The following RIPK4 variants were observed in gnomAD, a reference collection of about 807,000 sequenced individuals.
The protein encoded by RIPK4 is receptor interacting serine/threonine kinase 4.
Under a neutral mutation model 42.9 loss-of-function variants are expected in RIPK4, and 17 were observed. The ratio of observed to expected loss-of-function variants is 0.40; its 90% CI spans 0.27 to 0.59. RIPK4 has a LOEUF of 0.59. RIPK4 is among the 20% of genes least tolerant of loss of function. RIPK4 has a pLI of 0.47. For missense variants in RIPK4, 897 were observed against 1,104.4 expected (o/e 0.81, Z 2.66); for synonymous variants, 498 against 499.1 (o/e 1.00, Z 0.03).
In RIPK4 at chr21:41,742,229, A is replaced by G. The variant is rs2061157121; in HGVS notation, c.1196-232T>C. Among the ~76,000 whole-genome samples the G allele has an allele frequency of 6.6e-6, 1 of 152,184 alleles. No individual in the cohort carries two copies. The highest frequency in any genetic ancestry group is 2.4e-5 in the African/African-American group (1 of 41,460). ...CCCAGGTGCTCGTTAGTCGGTTTGC[A>G]AAATAAAACCCGCTCTCCCTGTCCT... is the stretch of plus-strand genomic sequence containing the variant. On this transcript the variant is annotated intron_variant, in intron 7 of 7. Transcript: ENST00000332512. The surrounding 1 kb of genome is among the most constrained non-coding windows in gnomAD (Gnocchi z 5.1).
At chr21:41,759,411 T>C (rs1395198728) in intron 1 of RIPK4, among the ~76,000 whole-genome samples, 2 of 152,084 alleles carry the variant, frequency 1.3e-5, no homozygotes, top group East Asian at 3.9e-4. Flanking sequence ...TCTAATAATA[T>C]AATAAGCTCC....
rs1028473377 is a variant in RIPK4 at position 41,741,693 on chromosome 21, C to T, written c.1500G>A (p.Lys500=). The T allele has an allele frequency of 1.4e-5, 23 of 1,613,750 alleles. No homozygotes were observed. Among genetic ancestry groups the T allele is most frequent in the Non-Finnish European group, 1.9e-5 (23 of 1,180,024 alleles). ...LLARKISVNA[K]DEDQWTALHF... is the part of the protein sequence containing the mutation. ...GGAGGGCTGTCCACTGGTCCTCATCCTTGGCGTTGACACTGATCTTCCGCG... is the reference window on the plus strand; with the variant it reads ...GGAGGGCTGTCCACTGGTCCTCATCTTTGGCGTTGACACTGATCTTCCGCG... The change falls in exon 8 of 8, where the codon AAG becomes AAA. Residue 500 remains lysine, a synonymous_variant. Coordinates refer to ENST00000332512, the MANE Select transcript of RIPK4 (RefSeq NM_020639.3).
At chr21:41,753,685 AG>A (rs2061195059) in intron 2 of RIPK4, among the ~76,000 whole-genome samples, 1 of 152,186 alleles carries the variant, frequency 6.6e-6, no homozygotes. Context: ...CCAAGAGCTG[AG>A]GGCTCACAGC....
At chr21:41,759,129 C>T (rs148094272) in intron 1 of RIPK4, among the ~76,000 whole-genome samples, 8 of 152,216 alleles carry the variant, frequency 5.3e-5, no homozygotes, top group Non-Finnish European at 1.2e-4. Flanking sequence ...AACAGAGTCT[C>T]GCTCTGTTGC....
At chr21:41,759,762 C>T (rs966843624) in intron 1 of RIPK4, among the ~76,000 whole-genome samples, 1 of 152,226 alleles carries the variant, frequency 6.6e-6, no homozygotes. Flanking sequence ...GATCTGACCG[C>T]CCCTGCGAGA....
intron 1 of RIPK4, among the ~76,000 whole-genome samples, chr21:41,766,585 C>T (rs1472288373): frequency 2.6e-5 from 4 of 152,040 alleles, no homozygotes; most frequent in Non-Finnish European, 5.9e-5. Context: ...ACGCGGCCCC[C>T]GAGGAGCCCC....
At chr21:41,744,539 A>G (rs1347344883) in intron 6 of RIPK4, among the ~76,000 whole-genome samples, 1 of 152,246 alleles carries the variant, frequency 6.6e-6, no homozygotes, top group African/African-American at 2.4e-5. Context: ...AGCCTTCATA[A>G]AAGTGCAAAA....
chr21:41,764,034 G>A (rs577801144), intron 1 of RIPK4, among the ~76,000 whole-genome samples: 43 of 152,262 alleles, frequency 2.8e-4, no homozygotes, highest in Admixed American at 1.6e-3. Context: ...AGGACCCTCC[G>A]AGGCACCGAG....
intron 1 of RIPK4, among the ~76,000 whole-genome samples, chr21:41,763,789 G>A (rs928707350): frequency 9.2e-5 from 14 of 152,190 alleles, no homozygotes; most frequent in African/African-American, 2.7e-4. Flanking sequence ...GGCTCGCCCC[G>A]ACCAGCCAGG....
chr21:41,746,519 C>G (rs2061171786), intron 5 of RIPK4, 94 bp downstream of exon 5: 1 of 1,459,310 alleles, frequency 6.9e-7, no homozygotes, highest in East Asian at 2.4e-5. Flanking sequence ...CGCCTTGTTT[C>G]TCACCCAGGC....
Position 41,751,055 on chromosome 21 carries a change from C to T in RIPK4, c.623+42G>A. The T allele has an allele frequency of 6.3e-7, 1 of 1,593,648 alleles. No individual in the cohort carries two copies. Among genetic ancestry groups the T allele is most frequent in the South Asian group, 1.1e-5 (1 of 87,776 alleles). ...GGGCATGAAGCATTGAGGTTGAGAG[C>T]CCCTGGCACCCACAGGGGATGGGGG... On this transcript the variant is annotated intron_variant, in intron 3 of 7. Coordinates refer to ENST00000332512, the MANE Select transcript of RIPK4 (RefSeq NM_020639.3). This position sits in a 1 kb window ranked among gnomAD's most constrained non-coding sequence, Gnocchi z 4.5.
At chr21:41,763,362 GTTC>G (rs1346604789) in intron 1 of RIPK4, among the ~76,000 whole-genome samples, 2 of 152,142 alleles carry the variant, frequency 1.3e-5, no homozygotes, top group East Asian at 1.9e-4. Flanking sequence ...AAGTCCCAAG[GTTC>G]TTCTCCAGGC....
At chr21:41,749,065 T>C in intron 4 of RIPK4, 89 bp downstream of exon 4, 2 of 1,386,440 alleles carry the variant, frequency 1.4e-6, no homozygotes, top group Non-Finnish European at 2.0e-6. Context: ...TCACAGGCTC[T>C]GTTTTAGGAT....
At position 41,755,160 on chromosome 21, in the gene RIPK4, G is replaced by A. The variant is rs3850704; in HGVS notation, c.474+1365C>T. Among the ~76,000 whole-genome samples the A allele has an allele frequency of 2.6e-5, 4 of 152,148 alleles. No individual in the cohort carries two copies. The highest frequency in any genetic ancestry group is 6.5e-5 in the Admixed American group (1 of 15,280). The stretch of plus-strand genomic sequence containing the variant: ...CAGCCCTGCCCATCACAGGAAACGG[G>A]AATCCCAGGGGTCCCAGAACATAAG... On this transcript the variant is annotated intron_variant, in intron 2 of 7. Coordinates refer to ENST00000332512, the MANE Select transcript of RIPK4 (RefSeq NM_020639.3). The surrounding 1 kb of genome is among the most constrained non-coding windows in gnomAD (Gnocchi z 4.2).
chr21:41,746,078 A>G, intron 5 of RIPK4: 1 of 708,794 alleles, frequency 1.4e-6, no homozygotes. Context: ...ACCAGACTCA[A>G]GGCGGAAGCC....
Position 41,740,624 on chromosome 21 carries a change from G to A in RIPK4, c.*214C>T, listed in dbSNP as rs571130977. On this transcript the variant is annotated 3_prime_UTR_variant, in exon 8 of 8. Transcript: ENST00000332512. ...CCTTCAGACAGCAGGTGCCTAGATC[G>A]ATGATGGAGCGGGCATGTGCACCTG... The A allele has an allele frequency of 1.2e-4, 70 of 568,544 alleles. No homozygotes were observed. Among genetic ancestry groups the A allele is most frequent in the African/African-American group, 8.3e-4 (44 of 52,942 alleles). 35.2% of individuals were successfully genotyped at this position (568,544 alleles called of 1,614,324 possible).
chr21:41,759,534 C>T (rs2061214636), intron 1 of RIPK4, among the ~76,000 whole-genome samples: 1 of 152,174 alleles, frequency 6.6e-6, no homozygotes, highest in African/African-American at 2.4e-5. Context: ...GGGGTGGCCT[C>T]CAGACAATTC....
intron 1 of RIPK4, among the ~76,000 whole-genome samples, chr21:41,759,108 T>C (rs184255815): frequency 1.3e-5 from 2 of 152,280 alleles, no homozygotes; most frequent in African/African-American, 4.8e-5. Context: ...TTGTTTGTTT[T>C]TCTTTTTTGA....
intron 5 of RIPK4, 186 bp from the exon 6 acceptor site, chr21:41,746,048 G>A (rs764974591): frequency 1.8e-5 from 13 of 720,608 alleles, no homozygotes; most frequent in South Asian, 4.3e-5. Flanking sequence ...CCCCCCCATC[G>A]GTAATCATTT....
Sources: gnomAD v4.1 joint callset for allele counts (sites outside exome capture counted in the v4.1 genomes callset) on GRCh38, gnomAD v4.1.1 for gene constraint, Gnocchi (gnomAD v3.1) non-coding constraint, MANE v1.5 for transcripts, NCBI Gene and HGNC (gene_info 2026-07-23, HGNC 2026-07-21) for gene names.